Variants in CIDEB observed in about 807,000 individuals in gnomAD.
The protein encoded by CIDEB is cell death inducing DFFA like effector b.
A neutral mutation model predicts 22.4 loss-of-function variants in CIDEB; 27 were observed. The ratio of observed to expected loss-of-function variants is 1.21; its 90% CI spans 0.89 to 1.66. CIDEB has a LOEUF of 1.66. CIDEB is among the 40% of genes most tolerant of loss of function. CIDEB has a pLI of 0.00. For missense variants in CIDEB, 289 were observed against 268.7 expected, an observed-to-expected ratio of 1.08 and a Z score of -0.53; for synonymous variants, 103 against 109.5, an observed-to-expected ratio of 0.94 and a Z score of 0.37.
At chr14:24,307,174 G>C (rs2041536978) in intron 2 of CIDEB, 197 bp downstream of exon 2, 1 of 538,856 alleles carries the variant, frequency 1.9e-6, no homozygotes, top group Non-Finnish European at 3.3e-6. Flanking sequence ...GCTAACCCCT[G>C]CTCCCATAGA....
At chr14:24,311,222 T>A (rs769864927), upstream of CIDEB, 15 of 1,607,814 alleles carry the variant, frequency 9.3e-6, no homozygotes, top group East Asian at 6.8e-5. Context: ...GCCTGGAGAC[T>A]CTGACCGCTT....
chr14:24,308,736 T>C (rs1173628628), upstream of CIDEB: 1 of 152,234 alleles, frequency 6.6e-6, no homozygotes, highest in East Asian at 1.9e-4. Flanking sequence ...GCTGAGACTC[T>C]CACTGACAGT....
rs2041474435 is a variant in CIDEB at position 24,305,629 on chromosome 14, C to T, written c.*4G>A. 1 of 1,609,124 alleles carries T rather than the reference C, an allele frequency of 6.2e-7. No homozygotes were observed. Among genetic ancestry groups the T allele is most frequent in the African/African-American group, 1.3e-5 (1 of 74,658 alleles). On this transcript the variant is annotated 3_prime_UTR_variant, in exon 5 of 5. Coordinates refer to ENST00000554411, the MANE Select transcript of CIDEB (RefSeq NM_001393339.1). The stretch of plus-strand genomic sequence containing the variant: ...TGATTCTGGGGGCAGAAGCTCAGAG[C>T]CCCTTAGTAGGAATGGAGGCGGCCC...
intron 2 of CIDEB, chr14:24,307,011 A>G: frequency 4.0e-6 from 1 of 250,784 alleles, no homozygotes; most frequent in South Asian, 7.1e-5. Flanking sequence ...GCCTTTTTAT[A>G]GTTGAAGAAA....
intron 2 of CIDEB, 130 bp from the exon 3 acceptor site, chr14:24,306,653 C>A: frequency 8.8e-7 from 1 of 1,135,634 alleles, no homozygotes; most frequent in Non-Finnish European, 1.3e-6. Flanking sequence ...CACTTTGATA[C>A]CTCCTAAAGG....
chr14:24,309,187 G>GAA (rs2041612598), upstream of CIDEB: 3 of 152,238 alleles, frequency 2.0e-5, no homozygotes. Context: ...AAGGCCTACT[G>GAA]AAGGGACTTA....
upstream of CIDEB, chr14:24,311,094 G>GC: frequency 6.4e-7 from 1 of 1,563,324 alleles, no homozygotes; most frequent in Non-Finnish European, 8.6e-7. Flanking sequence ...CCTGCTGCTG[G>GC]CGGTCTGGCT....
intron 2 of CIDEB, 136 bp downstream of exon 2, chr14:24,307,235 A>G: frequency 1.1e-6 from 1 of 940,876 alleles, no homozygotes; most frequent in African/African-American, 1.7e-5. Context: ...CATTAGGCCC[A>G]CTCCGCTGCT....
chr14:24,311,326 G>T (rs562644365), upstream of CIDEB: 2 of 1,600,656 alleles, frequency 1.2e-6, no homozygotes, highest in Non-Finnish European at 8.5e-7. Context: ...CACGGGGCGC[G>T]GGTGGGCCGG....
In CIDEB at chr14:24,305,621, G is replaced by T. The variant is rs371813029; in HGVS notation, c.*12C>A. 6.2e-7 allele frequency: 1 copy of T among 1,607,064 alleles called. No homozygotes were observed. Among genetic ancestry groups the T allele is most frequent in the South Asian group, 1.1e-5 (1 of 90,032 alleles). On this transcript the variant is annotated 3_prime_UTR_variant, in exon 5 of 5. Transcript: ENST00000554411. ...GGTTGGAATGATTCTGGGGGCAGAAGCTCAGAGCCCCTTAGTAGGAATGGA... is the reference window on the plus strand; with the variant it reads ...GGTTGGAATGATTCTGGGGGCAGAATCTCAGAGCCCCTTAGTAGGAATGGA...
chr14:24,311,099 C>T, upstream of CIDEB: 2 of 1,564,714 alleles, frequency 1.3e-6, no homozygotes, highest in Non-Finnish European at 1.7e-6. Flanking sequence ...TGCTGGCGGT[C>T]TGGCTGGCCG....
At chr14:24,307,639 G>A (rs1316015412) in intron 1 of CIDEB, 124 bp from the exon 2 acceptor site, 3 of 1,266,264 alleles carry the variant, frequency 2.4e-6, no homozygotes, top group African/African-American at 3.0e-5. Flanking sequence ...GATTAGGGAT[G>A]AGGGAGAGAC....
At chr14:24,311,051 G>T, upstream of CIDEB, 1 of 1,572,832 alleles carries the variant, frequency 6.4e-7, no homozygotes, top group Non-Finnish European at 8.6e-7. Context: ...CCTTCCTGGC[G>T]CCTCGGCTGC....
chr14:24,307,255 C>T (rs928357761), intron 2 of CIDEB, 116 bp downstream of exon 2: 199 of 1,190,504 alleles, frequency 1.7e-4, no homozygotes, highest in Non-Finnish European at 2.2e-4. Flanking sequence ...TTTTAGCCCT[C>T]AGAGGGAGGG....
intron 3 of CIDEB, 57 bp downstream of exon 3, chr14:24,306,317 G>T: frequency 1.2e-6 from 2 of 1,606,284 alleles, no homozygotes; most frequent in South Asian, 2.2e-5. Flanking sequence ...TAGAGAGGAA[G>T]CCCGGGAAAG....
chr14:24,305,312 A>G lies in CIDEB; in HGVS notation c.*321T>C. 1.7e-6 allele frequency: 1 copy of G among 572,444 alleles called. No individual in the cohort carries two copies. Among genetic ancestry groups the G allele is most frequent in the Non-Finnish European group, 2.9e-6 (1 of 347,934 alleles). 35.5% of individuals were successfully genotyped at this position (572,444 alleles called of 1,614,324 possible). A position where few individuals can be genotyped will look rare whatever the true frequency, so the allele number is the denominator to read the frequency against. On this transcript the variant is annotated 3_prime_UTR_variant, in exon 5 of 5. Transcript: ENST00000554411. Reference sequence around the variant, plus strand: ...TCAGTATGCTGGGGAGTTTAGGGACAGGAGGCATTGGTAGGGGATTAGATG... The same window carrying G: ...TCAGTATGCTGGGGAGTTTAGGGACGGGAGGCATTGGTAGGGGATTAGATG...
intron 2 of CIDEB, chr14:24,306,788 A>G: frequency 2.0e-6 from 1 of 499,076 alleles, no homozygotes; most frequent in Non-Finnish European, 3.6e-6. Context: ...CTGGTTTGGA[A>G]TTGGAAAGCA....
chr14:24,309,316 C>A (rs1435215736), upstream of CIDEB: 1 of 152,128 alleles, frequency 6.6e-6, no homozygotes, highest in African/African-American at 2.4e-5. Context: ...ACAGGATCAC[C>A]TGTACCCAAG....
chr14:24,307,539 A>G (rs760675891), intron 1 of CIDEB, 24 bp from the exon 2 acceptor site: 5 of 1,609,072 alleles, frequency 3.1e-6, no homozygotes, highest in Non-Finnish European at 4.2e-6. Flanking sequence ...AGAAAAGTCA[A>G]GAAGGGGCGA....
Sources: gnomAD v4.1 joint callset for allele counts on GRCh38, gnomAD v4.1.1 for gene constraint, MANE v1.5 for transcripts, NCBI Gene and HGNC (gene_info 2026-07-23, HGNC 2026-07-21) for gene names.